Variants in JPH1 observed in about 807,000 individuals in gnomAD.
The protein encoded by JPH1 is junctophilin 1.
JPH1 carries 12 observed loss-of-function variants against 53.6 expected under a neutral mutation model. The observed-to-expected ratio is 0.22, with a 90% CI of 0.14 to 0.36. The LOEUF is 0.36. JPH1 is among the 10% of genes least tolerant of loss of function. The pLI is 1.00. For synonymous variants in JPH1, 375 were observed against 363.8 expected (o/e 1.03, Z -0.35); for missense variants, 808 against 905.5 (o/e 0.89, Z 1.38).
chr8:74,311,399 G>A (rs1332895285), intron 2 of JPH1, among the ~76,000 whole-genome samples: 1 of 152,102 alleles, frequency 6.6e-6, no homozygotes, highest in Non-Finnish European at 1.5e-5. Flanking sequence ...TACAGATATT[G>A]TGTAGATATT....
At chr8:74,312,036 A>G (rs549753497) in intron 2 of JPH1, among the ~76,000 whole-genome samples, 51 of 152,284 alleles carry the variant, frequency 3.3e-4, no homozygotes, top group Admixed American at 5.9e-4. Flanking sequence ...CATTCCTTTA[A>G]CTGCTTCCTC....
chr8:74,301,568 C>T (rs1328903651), intron 2 of JPH1, among the ~76,000 whole-genome samples: 1 of 152,170 alleles, frequency 6.6e-6, no homozygotes, highest in Non-Finnish European at 1.5e-5. Context: ...CAACTGCTTG[C>T]AGGAACTCAC....
intron 2 of JPH1, among the ~76,000 whole-genome samples, chr8:74,276,610 T>C (rs1806856453): frequency 6.6e-6 from 1 of 152,246 alleles, no homozygotes; most frequent in Admixed American, 6.5e-5. Flanking sequence ...TAGCATTATC[T>C]GAGAAGTTTC....
In JPH1 at chr8:74,236,282, A is replaced by G. The variant is rs1806993537; in HGVS notation, c.*769T>C. 1 of 152,268 alleles carries G rather than the reference A, an allele frequency of 6.6e-6. No individual in the cohort carries two copies. The highest frequency in any genetic ancestry group is 1.9e-4 in the East Asian group (1 of 5,208). 9.4% of individuals were successfully genotyped at this position (152,268 alleles called of 1,614,324 possible). On this transcript the variant is annotated 3_prime_UTR_variant, in exon 6 of 6. Transcript: ENST00000342232. ...CATAAAAGATGGTATATTGCTATCA[A>G]AATAAGCACATTTTCACTAGCATTT...
Position 74,321,386 on chromosome 8 carries a change from C to A in JPH1, c.-99G>T. The A allele has an allele frequency of 8.3e-7, 1 of 1,209,810 alleles. No individual in the cohort carries two copies. Among genetic ancestry groups the A allele is most frequent in the South Asian group, 1.7e-5 (1 of 58,230 alleles). The allele number at this position is 1,209,810 out of a possible 1,614,324, so 74.9% of individuals were successfully genotyped here. ...CGGGGGTGGGGGCCCGGCGGGCGAGCTCACGACAGCGCCCTGGGCAGCTCG... is the reference window on the plus strand; with the variant it reads ...CGGGGGTGGGGGCCCGGCGGGCGAGATCACGACAGCGCCCTGGGCAGCTCG... On this transcript the variant is annotated 5_prime_UTR_variant, in exon 1 of 6. Coordinates refer to ENST00000342232, the MANE Select transcript of JPH1 (RefSeq NM_020647.4). This position sits in a 1 kb window ranked among gnomAD's most constrained non-coding sequence, Gnocchi z 4.3.
intron 2 of JPH1, among the ~76,000 whole-genome samples, chr8:74,262,571 C>A (rs771670671): frequency 1.3e-5 from 2 of 152,180 alleles, no homozygotes; most frequent in Non-Finnish European, 2.9e-5. Context: ...AATCTTCAGA[C>A]CCTCAAGAAT....
intron 2 of JPH1, among the ~76,000 whole-genome samples, chr8:74,276,288 T>G (rs1244342605): frequency 1.3e-5 from 2 of 152,228 alleles, no homozygotes; most frequent in African/African-American, 4.8e-5. Context: ...CATAGGACCG[T>G]GCTCCACTCA....
At chr8:74,290,262 T>C (rs1456553817) in intron 2 of JPH1, among the ~76,000 whole-genome samples, 2 of 152,194 alleles carry the variant, frequency 1.3e-5, no homozygotes, top group Non-Finnish European at 2.9e-5. Context: ...AAAATCTCCT[T>C]AAGCTGATAA....
intron 2 of JPH1, among the ~76,000 whole-genome samples, chr8:74,307,474 A>T (rs1379331150): frequency 6.6e-6 from 1 of 152,250 alleles, no homozygotes; most frequent in Non-Finnish European, 1.5e-5. Context: ...AGTTGCAAAG[A>T]GTGACAGGCA....
intron 4 of JPH1, among the ~76,000 whole-genome samples, chr8:74,244,328 T>C (rs1360596746): frequency 6.6e-6 from 1 of 152,038 alleles, no homozygotes; most frequent in Non-Finnish European, 1.5e-5. Context: ...TGGGTGAACA[T>C]AGGGGTGGTG....
Position 74,259,892 on chromosome 8 carries a change from C to T in JPH1, c.1140-389G>A, listed in dbSNP as rs1463475580. Among the ~76,000 whole-genome samples the T allele has an allele frequency of 5.9e-5, 9 of 152,292 alleles. No individual in the cohort carries two copies. The East Asian group carries it at 7.7e-4, about 13-fold the overall frequency. On this transcript the variant is annotated intron_variant, in intron 2 of 5. Coordinates refer to ENST00000342232, the MANE Select transcript of JPH1 (RefSeq NM_020647.4). ...ATAGTGTTTATCAAATTCATTTCTACGGTACAATCAATGTAAGAATTTGAC... is the reference window on the plus strand; with the variant it reads ...ATAGTGTTTATCAAATTCATTTCTATGGTACAATCAATGTAAGAATTTGAC...
rs911818713 is a variant in JPH1 at position 74,320,836 on chromosome 8, G to A, written c.379+73C>T. On this transcript the variant is annotated intron_variant, in intron 1 of 5. Transcript: ENST00000342232. The surrounding 1 kb of genome is among the most constrained non-coding windows in gnomAD (Gnocchi z 4.4). Reference sequence around the variant, plus strand: ...GACACGTGCGCCCGGCGTCCTCCCCGCTTCCCCGCAGCCGGGGCAGAGCCC... The same window carrying A: ...GACACGTGCGCCCGGCGTCCTCCCCACTTCCCCGCAGCCGGGGCAGAGCCC... 5.0e-6 allele frequency: 7 copies of A among 1,412,966 alleles called. No homozygotes were observed. Among genetic ancestry groups the A allele is most frequent in the South Asian group, 3.2e-5 (2 of 62,094 alleles). The allele number at this position is 1,412,966 out of a possible 1,614,324, so 87.5% of individuals were successfully genotyped here. A position where few individuals can be genotyped will look rare whatever the true frequency, so the allele number is the denominator to read the frequency against.
intron 2 of JPH1, among the ~76,000 whole-genome samples, chr8:74,301,744 C>T (rs1807687763): frequency 6.6e-6 from 1 of 152,218 alleles, no homozygotes; most frequent in African/African-American, 2.4e-5. Context: ...TTTGCACTGT[C>T]ATGGTTTTTT....
intron 4 of JPH1, among the ~76,000 whole-genome samples, chr8:74,239,959 C>T (rs1454895742): frequency 6.6e-6 from 1 of 151,960 alleles, no homozygotes; most frequent in African/African-American, 2.4e-5. Context: ...CCAAACAATC[C>T]AATTATACTC....
rs1808120130 is a variant in JPH1 at position 74,315,403 on chromosome 8, T to C, written c.597A>G (p.Ala199=). The change falls in exon 2 of 6, where the codon GCA becomes GCG. Residue 199 remains alanine (A), a synonymous_variant. Transcript: ENST00000342232. This position sits in a 1 kb window ranked among gnomAD's most constrained non-coding sequence, Gnocchi z 6.3. ...TRGGFVLNFH[A]DAELAGKKKG... Reference sequence around the variant, plus strand: ...TCTTCTTGCCCGCTAGCTCAGCGTCTGCGTGGAAGTTGAGCACGAAACCGC... The same window carrying C: ...TCTTCTTGCCCGCTAGCTCAGCGTCCGCGTGGAAGTTGAGCACGAAACCGC... The C allele has an allele frequency of 1.2e-6, 2 of 1,612,452 alleles. No homozygotes were observed. The highest frequency in any genetic ancestry group is 1.3e-5 in the African/African-American group (1 of 75,032).
In JPH1 at chr8:74,320,676, T is replaced by G. The variant is rs1399950784; in HGVS notation, c.379+233A>C. Among the ~76,000 whole-genome samples, 1 of 152,100 alleles carries G rather than the reference T, an allele frequency of 6.6e-6. No individual in the cohort carries two copies. The highest frequency in any genetic ancestry group is 1.9e-4 in the East Asian group (1 of 5,164). On this transcript the variant is annotated intron_variant, in intron 1 of 5. Coordinates refer to ENST00000342232, the MANE Select transcript of JPH1 (RefSeq NM_020647.4). The surrounding 1 kb of genome is among the most constrained non-coding windows in gnomAD (Gnocchi z 4.4). The stretch of plus-strand genomic sequence containing the variant: ...CATTCACGCCTAGCTCCCCTGAGTG[T>G]GGATACACGGCCCGCTCCAAGAACG...
chr8:74,266,091 C>G (rs1170023970), intron 2 of JPH1, among the ~76,000 whole-genome samples: 1 of 151,586 alleles, frequency 6.6e-6, no homozygotes, highest in African/African-American at 2.4e-5. Context: ...ATAGAATTAC[C>G]ACATAATCCA....
rs1808327340 is a variant in JPH1 at position 74,321,505 on chromosome 8, C to T, written c.-218G>A. Reference sequence around the variant, plus strand: ...CTTCCTCCTCCTCCTCCTCCTCCTTCGCCGCCGCCGCCTGGGCCAGCGCCG... The same window carrying T: ...CTTCCTCCTCCTCCTCCTCCTCCTTTGCCGCCGCCGCCTGGGCCAGCGCCG... On this transcript the variant is annotated 5_prime_UTR_variant, in exon 1 of 6. Transcript: ENST00000342232. This position sits in a 1 kb window ranked among gnomAD's most constrained non-coding sequence, Gnocchi z 4.3. 2.2e-6 allele frequency: 1 copy of T among 458,986 alleles called. No homozygotes were observed. The allele number at this position is 458,986 out of a possible 1,614,324, so 28.4% of individuals were successfully genotyped here.
intron 3 of JPH1, among the ~76,000 whole-genome samples, chr8:74,255,547 G>A (rs1586738674): frequency 6.6e-6 from 1 of 152,064 alleles, no homozygotes; most frequent in Admixed American, 6.5e-5. Context: ...TGACAAATGG[G>A]ATCTAATTAA....
Sources: gnomAD v4.1 joint callset for allele counts (sites outside exome capture counted in the v4.1 genomes callset) on GRCh38, gnomAD v4.1.1 for gene constraint, Gnocchi (gnomAD v3.1) non-coding constraint, MANE v1.5 for transcripts, NCBI Gene and HGNC (gene_info 2026-07-23, HGNC 2026-07-21) for gene names.